WDR49: variants seen among roughly 807,000 people sequenced by gnomAD.
WDR49 encodes cilia- and flagella-associated protein 337.
WDR49 carries 107 observed loss-of-function variants against 119.5 expected under a neutral mutation model. That is an observed-to-expected ratio of 0.90 (90% confidence interval 0.77 to 1.05). The LOEUF (loss-of-function observed/expected upper bound fraction) is 1.05. Among genes scored for constraint, WDR49 ranks in the 50% least tolerant of loss-of-function variants. The pLI, the probability that WDR49 is intolerant of heterozygous loss-of-function variation, is 0.00. For synonymous variants in WDR49, 425 were observed against 418.8 expected, an observed-to-expected ratio of 1.01 and a Z score of -0.18; for missense variants, 1,240 against 1,220.5, an observed-to-expected ratio of 1.02 and a Z score of -0.24.
intron 18 of WDR49, among the ~76,000 whole-genome samples, chr3:167,497,612 C>T (rs967638918): frequency 2.6e-5 from 4 of 152,304 alleles, no homozygotes; most frequent in Middle Eastern, 6.8e-3. Flanking sequence ...ACTCTCACCA[C>T]TGAAGAGAGG....
Position 167,575,979 on chromosome 3 carries a change from T to C in WDR49, c.1448A>G (p.Lys483Arg). Reference protein sequence around the residue: ...ALLAMKSEASKRVKSHEKAVT... With the variant: ...ALLAMKSEASRRVKSHEKAVT... ...TGCTTTCTCATGGCTTTTCACCCTC[T>C]TGCTGGCTTCACTTTTCATTGCCAA... The change falls in exon 8 of 19, where the codon AAG (lysine) becomes AGG (arginine). Residue 483 changes from lysine to arginine, a missense_variant. Coordinates refer to ENST00000682715, the MANE Select transcript of WDR49 (RefSeq NM_001366157.1). 6.2e-7 allele frequency: 1 copy of C among 1,614,172 alleles called. No individual in the cohort carries two copies. Among genetic ancestry groups the C allele is most frequent in the Non-Finnish European group, 8.5e-7 (1 of 1,180,012 alleles).
Position 167,600,650 on chromosome 3 carries a change from A to G in WDR49, c.1275+1477T>C, listed in dbSNP as rs1054538536. Among the ~76,000 whole-genome samples, 5 of 152,218 alleles carry G rather than the reference A, an allele frequency of 3.3e-5. No homozygotes were observed. The East Asian group carries it at 7.7e-4, about 23-fold the overall frequency. On this transcript the variant is annotated intron_variant, in intron 7 of 18. Transcript: ENST00000682715. ...AGCAAACTAACAATATCAGTACAGT[A>G]TGATACCTGCTGTAATGAGAGACAC... is the stretch of plus-strand genomic sequence containing the variant.
Position 167,532,501 on chromosome 3 carries a change from G to C in WDR49, c.2053+378C>G, listed in dbSNP as rs147510334. Among the ~76,000 whole-genome samples the C allele has an allele frequency of 5.1e-4, 77 of 152,192 alleles. 1 individual carries two copies. The East Asian group carries it at 0.014, about 28-fold the overall frequency. On this transcript the variant is annotated intron_variant, in intron 12 of 18. Coordinates refer to ENST00000682715, the MANE Select transcript of WDR49 (RefSeq NM_001366157.1). Reference sequence around the variant, plus strand: ...TTATTACAAGCTCTAGATTGAGTCTGAACAGCCTATCGAGTGAACATGAAT... The same window carrying C: ...TTATTACAAGCTCTAGATTGAGTCTCAACAGCCTATCGAGTGAACATGAAT...
intron 7 of WDR49, among the ~76,000 whole-genome samples, chr3:167,598,111 C>A (rs1715579892): frequency 6.6e-6 from 1 of 152,016 alleles, no homozygotes; most frequent in Non-Finnish European, 1.5e-5. Flanking sequence ...TCGAGACCAT[C>A]TTGGCTAACA....
At chr3:167,560,953 T>C (rs762978336) in intron 8 of WDR49, among the ~76,000 whole-genome samples, 9 of 152,112 alleles carry the variant, frequency 5.9e-5, no homozygotes, top group Non-Finnish European at 1.2e-4. Flanking sequence ...ATTTAAGAGA[T>C]TCATAGGTTA....
chr3:167,602,303 GT>G (rs761070458), intron 6 of WDR49, 28 bp from the exon 7 acceptor site: 8 of 1,541,138 alleles, frequency 5.2e-6, no homozygotes, highest in African/African-American at 4.1e-5. Flanking sequence ...GAAAAAAAAT[GT>G]TTTTAATAGC....
upstream of WDR49, among the ~76,000 whole-genome samples, chr3:167,654,957 C>G (rs574652433): frequency 6.6e-6 from 1 of 151,138 alleles, no homozygotes; most frequent in Non-Finnish European, 1.5e-5. Flanking sequence ...TAGTAACATA[C>G]GGAAGAGAAC....
At chr3:167,517,549 AC>A (rs1752261494) in intron 16 of WDR49, among the ~76,000 whole-genome samples, 1 of 152,142 alleles carries the variant, frequency 6.6e-6, no homozygotes, top group African/African-American at 2.4e-5. Flanking sequence ...TAATTGTAAA[AC>A]CCAAAGCTAT....
At chr3:167,607,478 C>T (rs1716117454) in intron 5 of WDR49, among the ~76,000 whole-genome samples, 1 of 152,180 alleles carries the variant, frequency 6.6e-6, no homozygotes, top group Non-Finnish European at 1.5e-5. Context: ...ACAAGCACCA[C>T]TCTGGGTGCT....
In WDR49 at chr3:167,500,278, A is replaced by G. The variant is rs116685244; in HGVS notation, c.2906T>C (p.Ile969Thr). 9.0e-4 allele frequency: 1,440 copies of G among 1,605,238 alleles called. 8 individuals carry two copies. The African/African-American group carries it at 0.014, about 16-fold the overall frequency. ...TTCAGGCAGCTCTTCCAGGGCTCCA[A>G]TGTTTAATGACCTAAATGTACCTTC... ...KSFSTFRSLN[I>T]GALEELPEVN... Residue 969 changes from isoleucine (I) to threonine (T), a missense_variant, in exon 18 of 19, where the codon ATT (isoleucine) becomes ACT (threonine). Ile to Thr is a moderately conservative substitution (Grantham distance 89). Transcript: ENST00000682715.
At chr3:167,576,265 T>G (rs1005724519) in intron 7 of WDR49, 114 bp from the exon 8 acceptor site, 10 of 793,298 alleles carry the variant, frequency 1.3e-5, no homozygotes, top group Non-Finnish European at 2.0e-5. Context: ...TCCTCCACAG[T>G]GCTATAATTG....
At chr3:167,589,153 A>G (rs1198936568) in intron 7 of WDR49, among the ~76,000 whole-genome samples, 1 of 152,122 alleles carries the variant, frequency 6.6e-6, no homozygotes. Flanking sequence ...TCTTCTGCAT[A>G]TAGATATTCA....
chr3:167,618,730 A>T (rs1214741779), intron 5 of WDR49, among the ~76,000 whole-genome samples: 1 of 152,222 alleles, frequency 6.6e-6, no homozygotes. Context: ...GGTCATAAAC[A>T]TGAATCTCCA....
At chr3:167,631,119 GGT>G in intron 2 of WDR49, among the ~76,000 whole-genome samples, 1 of 152,074 alleles carries the variant, frequency 6.6e-6, no homozygotes, top group African/African-American at 2.4e-5. Context: ...CCTGTCAGGG[GGT>G]GGGGAGCTGG....
intron 8 of WDR49, among the ~76,000 whole-genome samples, chr3:167,564,278 AACTG>A (rs549312580): frequency 1.3e-5 from 2 of 152,212 alleles, no homozygotes; most frequent in Non-Finnish European, 2.9e-5. Flanking sequence ...AATGTGTTGA[AACTG>A]ACTATGTCTC....
At chr3:167,613,278 A>T (rs541051944) in intron 5 of WDR49, among the ~76,000 whole-genome samples, 1 of 152,366 alleles carries the variant, frequency 6.6e-6, no homozygotes, top group East Asian at 1.9e-4. Context: ...AAGCATATTT[A>T]AAAATAATAA....
chr3:167,499,952 C>A (rs1176013496), intron 18 of WDR49, among the ~76,000 whole-genome samples: 2 of 152,192 alleles, frequency 1.3e-5, no homozygotes, highest in African/African-American at 2.4e-5. Context: ...ATATTCATTT[C>A]ATATATCCCA....
At chr3:167,488,149 C>A (rs1340605727) in intron 18 of WDR49, among the ~76,000 whole-genome samples, 5 of 30,206 alleles carry the variant, frequency 1.7e-4, no homozygotes, top group Non-Finnish European at 3.0e-4. Context: ...CACTCAAACA[C>A]ACACACACAC....
chr3:167,521,498 G>C (rs573622802), intron 16 of WDR49, among the ~76,000 whole-genome samples: 1 of 152,330 alleles, frequency 6.6e-6, no homozygotes, highest in South Asian at 2.1e-4. Context: ...TGTTTCACCT[G>C]TTTAACATAG....
Sources: gnomAD v4.1 joint callset for allele counts (sites outside exome capture counted in the v4.1 genomes callset) on GRCh38, gnomAD v4.1.1 for gene constraint, MANE v1.5 for transcripts, NCBI Gene and HGNC (gene_info 2026-07-23, HGNC 2026-07-21) for gene names.